CHODL: variants seen among roughly 807,000 people sequenced by gnomAD.
CHODL encodes chondrolectin.
In CHODL, 29 loss-of-function variants were observed where a neutral mutation model predicts 34.5. That is an observed-to-expected ratio of 0.84 (90% CI 0.63 to 1.15). The LOEUF (loss-of-function observed/expected upper bound fraction) is 1.15, where lower values mean the gene tolerates loss of function less well. Among genes scored for constraint, CHODL ranks in the 50% most tolerant of loss-of-function variants. CHODL has a pLI of 0.00. For missense variants in CHODL, 332 were observed against 332.5 expected (o/e 1.00, Z 0.01); for synonymous variants, 125 against 116.1 (o/e 1.08, Z -0.49).
chr21:18,099,757 TCTC>T (rs1284553327), intron 2 of CHODL, among the ~76,000 whole-genome samples: 1 of 152,122 alleles, frequency 6.6e-6, no homozygotes. Flanking sequence ...GAAAACTACT[TCTC>T]CACACCATTT....
intron 2 of CHODL, among the ~76,000 whole-genome samples, chr21:18,133,370 T>C (rs142391868): frequency 3.9e-5 from 6 of 152,288 alleles, no homozygotes; most frequent in African/African-American, 1.4e-4. Context: ...CTATACCTAA[T>C]AGAAAATTTC....
At chr21:18,030,682 C>T (rs763190448) in intron 2 of CHODL, among the ~76,000 whole-genome samples, 1 of 151,978 alleles carries the variant, frequency 6.6e-6, no homozygotes, top group African/African-American at 2.4e-5. Context: ...TGGATGGGAT[C>T]GGACTGAAGA....
intron 2 of CHODL, among the ~76,000 whole-genome samples, chr21:18,174,161 A>ATCTTGGTATAT (rs2073276201): frequency 1.2e-5 from 1 of 85,666 alleles, no homozygotes; most frequent in Non-Finnish European, 3.1e-5. Context: ...ATATATATAT[A>ATCTTGGTATAT]AAATCAAGTC....
intron 1 of CHODL, among the ~76,000 whole-genome samples, chr21:17,982,456 A>T (rs560938257): frequency 6.6e-6 from 1 of 152,288 alleles, no homozygotes; most frequent in South Asian, 2.1e-4. Flanking sequence ...GTTTCTCAAC[A>T]TAAGCATAAT....
chr21:18,052,060 G>C (rs565056683), intron 2 of CHODL, among the ~76,000 whole-genome samples: 4 of 151,880 alleles, frequency 2.6e-5, no homozygotes, highest in African/African-American at 9.7e-5. Context: ...TTAGAAGTTT[G>C]TTTTGCGGGA....
At chr21:18,084,420 T>C (rs2064978563) in intron 2 of CHODL, among the ~76,000 whole-genome samples, 1 of 152,208 alleles carries the variant, frequency 6.6e-6, no homozygotes, top group Admixed American at 6.5e-5. Context: ...AACGTCCCTT[T>C]TAGCACTGCT....
At chr21:18,134,715 C>T (rs2072699117) in intron 2 of CHODL, among the ~76,000 whole-genome samples, 1 of 152,194 alleles carries the variant, frequency 6.6e-6, no homozygotes, top group Non-Finnish European at 1.5e-5. Context: ...GTACTTTCAC[C>T]TCTCTCACAA....
At chr21:17,956,478 A>G (rs1028129687) in intron 1 of CHODL, among the ~76,000 whole-genome samples, 1 of 137,070 alleles carries the variant, frequency 7.3e-6, no homozygotes, top group African/African-American at 2.5e-5. Flanking sequence ...CAATGCAAGA[A>G]CAACCTAAGA....
At chr21:18,176,358 A>G (rs1252928099) in intron 2 of CHODL, among the ~76,000 whole-genome samples, 1 of 152,188 alleles carries the variant, frequency 6.6e-6, no homozygotes. Context: ...CAAAGGCTAG[A>G]GCCTCTTAAA....
At chr21:18,161,716 T>A (rs2073097547) in intron 2 of CHODL, among the ~76,000 whole-genome samples, 1 of 152,222 alleles carries the variant, frequency 6.6e-6, no homozygotes, top group Admixed American at 6.5e-5. Context: ...CGGGGAATTT[T>A]ATTCTTCTAA....
At chr21:18,180,299 C>T (rs1021163984) in intron 2 of CHODL, among the ~76,000 whole-genome samples, 12 of 152,142 alleles carry the variant, frequency 7.9e-5, no homozygotes, top group African/African-American at 2.2e-4. Flanking sequence ...ACCACAGGCA[C>T]GCACCACCAC....
intron 1 of CHODL, among the ~76,000 whole-genome samples, chr21:17,934,634 G>C (rs562772704): frequency 6.6e-6 from 1 of 151,762 alleles, no homozygotes; most frequent in Admixed American, 6.6e-5. Flanking sequence ...CATATTTTTT[G>C]GTCCCTTTAA....
At position 17,994,127 on chromosome 21, in the gene CHODL, A is replaced by G. The variant is rs183870420; in HGVS notation, c.-144-33745A>G. Among the ~76,000 whole-genome samples the G allele has an allele frequency of 3.0e-5, 4 of 134,220 alleles. No individual in the cohort carries two copies. The Admixed American group carries it at 3.2e-4, about 11-fold the overall frequency. 88.1% of individuals were successfully genotyped at this position (134,220 alleles called of 152,430 possible). On this transcript the variant is annotated intron_variant, in intron 1 of 6. Transcript: ENST00000400127. ...ATTGAGTTCTGCTCTGATCTTTACTATTTGTTTTCTTCCTCTAATTTTGGG... is the reference window on the plus strand; with the variant it reads ...ATTGAGTTCTGCTCTGATCTTTACTGTTTGTTTTCTTCCTCTAATTTTGGG...
At chr21:18,087,985 G>C (rs1009985907) in intron 2 of CHODL, among the ~76,000 whole-genome samples, 1 of 152,168 alleles carries the variant, frequency 6.6e-6, no homozygotes, top group African/African-American at 2.4e-5. Flanking sequence ...GAGCAGGAGA[G>C]AGAGGACAAG....
intron 2 of CHODL, among the ~76,000 whole-genome samples, chr21:18,150,697 C>T (rs1387286763): frequency 6.6e-6 from 1 of 152,132 alleles, no homozygotes; most frequent in Non-Finnish European, 1.5e-5. Context: ...CTCATAACTG[C>T]CACACCCTTA....
intron 2 of CHODL, among the ~76,000 whole-genome samples, chr21:18,213,967 C>A (rs982241008): frequency 6.6e-6 from 1 of 151,984 alleles, no homozygotes; most frequent in Non-Finnish European, 1.5e-5. Context: ...ATAACTATTT[C>A]TTCTATACTG....
At chr21:17,973,858 T>C (rs900501645) in intron 1 of CHODL, among the ~76,000 whole-genome samples, 3 of 151,868 alleles carry the variant, frequency 2.0e-5, no homozygotes, top group African/African-American at 7.3e-5. Flanking sequence ...AGTAACACTA[T>C]TCTTTTTATT....
intron 1 of CHODL, among the ~76,000 whole-genome samples, chr21:17,981,749 C>A (rs1011284813): frequency 2.6e-5 from 4 of 152,152 alleles, no homozygotes; most frequent in African/African-American, 9.7e-5. Flanking sequence ...TTCTGAGTGG[C>A]TAACTTACCT....
chr21:18,037,982 C>T (rs1307422541), intron 2 of CHODL, among the ~76,000 whole-genome samples: 2 of 151,652 alleles, frequency 1.3e-5, no homozygotes, highest in African/African-American at 4.8e-5. Context: ...TTTAAGACTT[C>T]CTCTTTATAA....
Sources: gnomAD v4.1 joint callset for allele counts (sites outside exome capture counted in the v4.1 genomes callset) on GRCh38, gnomAD v4.1.1 for gene constraint, MANE v1.5 for transcripts, NCBI Gene and HGNC (gene_info 2026-07-23, HGNC 2026-07-21) for gene names.